The following PRKG1 variants were observed in gnomAD, a reference collection of about 807,000 sequenced individuals.
PRKG1 encodes protein kinase cGMP-dependent 1, also known as cGMP-dependent protein kinase 1.
PRKG1 carries 35 observed loss-of-function variants against 88.1 expected under a neutral mutation model. The observed-to-expected ratio is 0.40, with a 90% confidence interval of 0.30 to 0.53. The LOEUF (loss-of-function observed/expected upper bound fraction) is 0.53, where lower values mean the gene tolerates loss of function less well. Ranked by LOEUF, PRKG1 falls within the 20% of genes least tolerant of loss-of-function variation. The pLI, the probability that PRKG1 is intolerant of heterozygous loss-of-function variation, is 0.59. For synonymous variants in PRKG1, 303 were observed against 292.5 expected, an observed-to-expected ratio of 1.04 and a Z score of -0.37; for missense variants, 540 against 839.8, an observed-to-expected ratio of 0.64 and a Z score of 4.41.
chr10:51,744,018 T>G (rs1837515414), intron 3 of PRKG1, among the ~76,000 whole-genome samples: 1 of 151,900 alleles, frequency 6.6e-6, no homozygotes, highest in Non-Finnish European at 1.5e-5. Flanking sequence ...ACCTTTATTG[T>G]CCTTTCTTCT....
At chr10:51,384,972 A>T (rs1418475285) in intron 2 of PRKG1, among the ~76,000 whole-genome samples, 1 of 152,230 alleles carries the variant, frequency 6.6e-6, no homozygotes, top group Non-Finnish European at 1.5e-5. Context: ...TGAAACAAGA[A>T]CATAATCTTC....
Position 51,523,122 on chromosome 10 carries a change from A to G in PRKG1, c.592+55286A>G, listed in dbSNP as rs1208614507. Among the ~76,000 whole-genome samples, 3 of 152,158 alleles carry G rather than the reference A, an allele frequency of 2.0e-5. No individual in the cohort carries two copies. In the East Asian group the frequency reaches 5.8e-4, roughly 29 times the overall value. On this transcript the variant is annotated intron_variant, in intron 3 of 17. Coordinates refer to ENST00000373980, the MANE Select transcript of PRKG1 (RefSeq NM_006258.4). ...GGTTGAAGATGATTTTTTTTTTAACATGGCAGTTGCTTAGATGTCTTTAAA... is the reference window on the plus strand; with the variant it reads ...GGTTGAAGATGATTTTTTTTTTAACGTGGCAGTTGCTTAGATGTCTTTAAA...
At chr10:51,505,689 T>C (rs1419127700) in intron 3 of PRKG1, among the ~76,000 whole-genome samples, 1 of 152,138 alleles carries the variant, frequency 6.6e-6, no homozygotes, top group Non-Finnish European at 1.5e-5. Context: ...TTCTTCCTGG[T>C]TTAGTCTTGG....
intron 1 of PRKG1, among the ~76,000 whole-genome samples, chr10:51,000,787 A>G (rs1355236185): frequency 6.6e-6 from 1 of 152,164 alleles, no homozygotes; most frequent in Non-Finnish European, 1.5e-5. Context: ...GATTGTGCGT[A>G]ATGTCAATAA....
chr10:51,627,917 C>CTTCCCTTCCTTCCCTTCCTTCCCTTCT (rs1839383050), intron 3 of PRKG1, among the ~76,000 whole-genome samples: 1 of 106,080 alleles, frequency 9.4e-6, no homozygotes, highest in Non-Finnish European at 2.1e-5. Flanking sequence ...CCTTCCCTTC[C>CTTCCCTTCCTTCCCTTCCTTCCCTTCT]TTCCCTTCCT....
chr10:51,762,746 T>C (rs1838052529), intron 3 of PRKG1, among the ~76,000 whole-genome samples: 1 of 152,228 alleles, frequency 6.6e-6, no homozygotes, highest in Non-Finnish European at 1.5e-5. Flanking sequence ...CAATCCTTGC[T>C]CTCTTTTAGT....
At chr10:51,779,311 A>G (rs1424417929) in intron 3 of PRKG1, among the ~76,000 whole-genome samples, 1 of 152,094 alleles carries the variant, frequency 6.6e-6, no homozygotes, top group African/African-American at 2.4e-5. Context: ...CTTAGGCAGC[A>G]ATACACGAAT....
At chr10:51,383,973 G>A (rs1837184777) in intron 2 of PRKG1, among the ~76,000 whole-genome samples, 1 of 152,118 alleles carries the variant, frequency 6.6e-6, no homozygotes. Context: ...GAGCAGTAAA[G>A]GGTAAGAGAG....
chr10:51,766,142 C>T (rs1003024523), intron 3 of PRKG1, among the ~76,000 whole-genome samples: 2 of 151,772 alleles, frequency 1.3e-5, no homozygotes, highest in African/African-American at 4.9e-5. Flanking sequence ...GGTGAGGTTA[C>T]AGCAAAAGTT....
At chr10:51,569,047 CA>C (rs1266152593) in intron 3 of PRKG1, among the ~76,000 whole-genome samples, 3 of 151,942 alleles carry the variant, frequency 2.0e-5, no homozygotes, top group Admixed American at 6.6e-5. Context: ...TATGACTTGC[CA>C]GTTTTTATGA....
chr10:51,395,866 A>C (rs140589891), intron 2 of PRKG1, among the ~76,000 whole-genome samples: 177 of 152,318 alleles, frequency 1.2e-3, no homozygotes, highest in African/African-American at 3.9e-3. Context: ...TAGGGAGGCA[A>C]TAGTGGGGAG....
At chr10:52,121,786 TAAG>T (rs1216111326) in intron 7 of PRKG1, among the ~76,000 whole-genome samples, 2 of 152,214 alleles carry the variant, frequency 1.3e-5, no homozygotes, top group South Asian at 2.1e-4. Context: ...AAGTAATCTC[TAAG>T]AAGATTTAGT....
chr10:51,063,322 G>T (rs541688171), intron 1 of PRKG1, among the ~76,000 whole-genome samples: 16 of 152,224 alleles, frequency 1.1e-4, no homozygotes, highest in Admixed American at 5.9e-4. Context: ...ACATCAAAAA[G>T]TGTATTTACA....
At chr10:51,949,459 A>AAT (rs145622381) in intron 5 of PRKG1, among the ~76,000 whole-genome samples, 3,633 of 150,356 alleles carry the variant, frequency 0.024, 75 homozygotes, top group African/African-American at 0.063. Context: ...TAAATAAATA[A>AAT]ATATATATAT....
chr10:51,641,204 T>C (rs1839791032), intron 3 of PRKG1, among the ~76,000 whole-genome samples: 1 of 152,148 alleles, frequency 6.6e-6, no homozygotes, highest in South Asian at 2.1e-4. Flanking sequence ...CAATAAACAA[T>C]GAGCTGTGCT....
chr10:51,773,514 G>C (rs564417740), intron 3 of PRKG1, among the ~76,000 whole-genome samples: 3 of 152,134 alleles, frequency 2.0e-5, no homozygotes, highest in African/African-American at 7.2e-5. Context: ...CCAGGCTCAT[G>C]ATGATGAGCT....
intron 1 of PRKG1, among the ~76,000 whole-genome samples, chr10:51,151,574 T>G (rs1225639680): frequency 6.6e-6 from 1 of 151,808 alleles, no homozygotes; most frequent in Non-Finnish European, 1.5e-5. Flanking sequence ...TTTTTGTTTT[T>G]TTTTTTTAAC....
intron 2 of PRKG1, among the ~76,000 whole-genome samples, chr10:51,246,532 C>T (rs1379319465): frequency 7.6e-6 from 1 of 131,316 alleles, no homozygotes; most frequent in Non-Finnish European, 1.6e-5. Context: ...ACAGTATGGC[C>T]AGGTAAGCCC....
intron 5 of PRKG1, among the ~76,000 whole-genome samples, chr10:52,034,870 T>C (rs1354690977): frequency 1.3e-5 from 2 of 152,194 alleles, no homozygotes; most frequent in Non-Finnish European, 2.9e-5. Context: ...TCAAATGCGC[T>C]GTACCCTGCA....
Sources: gnomAD v4.1 joint callset for allele counts (sites outside exome capture counted in the v4.1 genomes callset) on GRCh38, gnomAD v4.1.1 for gene constraint, MANE v1.5 for transcripts, NCBI Gene and HGNC (gene_info 2026-07-23, HGNC 2026-07-21) for gene names.